ADAM22: variants seen among roughly 807,000 people sequenced by gnomAD.
ADAM22 encodes disintegrin and metalloproteinase domain-containing protein 22.
ADAM22 carries 65 observed loss-of-function variants against 144.6 expected under a neutral mutation model. The ratio of observed to expected loss-of-function variants is 0.45; its 90% CI spans 0.37 to 0.55. ADAM22 has a LOEUF of 0.55. ADAM22 is among the 20% of genes least tolerant of loss of function. The pLI is 0.00. For synonymous variants in ADAM22, 391 were observed against 412.6 expected, an observed-to-expected ratio of 0.95 and a Z score of 0.63; for missense variants, 974 against 1,184.9, an observed-to-expected ratio of 0.82 and a Z score of 2.61.
rs1051335967 is a variant in ADAM22 at position 88,033,300 on chromosome 7, A to C, written c.324-42326A>C. 1.3e-5 allele frequency among the ~76,000 whole-genome samples: 2 copies of C among 152,204 alleles called. 1 individual carries two copies. On this transcript the variant is annotated intron_variant, in intron 3 of 31. Transcript: ENST00000413139. Reference sequence around the variant, plus strand: ...TGCTATGGCTCTTGCAGACTTGTAGAGGTGTAAGCTTGGTGGTCTTGGATA... The same window carrying C: ...TGCTATGGCTCTTGCAGACTTGTAGCGGTGTAAGCTTGGTGGTCTTGGATA...
chr7:88,107,963 T>A (rs1824893165), intron 4 of ADAM22, among the ~76,000 whole-genome samples: 1 of 152,198 alleles, frequency 6.6e-6, no homozygotes, highest in South Asian at 2.1e-4. Flanking sequence ...TCAAGTCAAC[T>A]TTTATTTCCC....
chr7:87,967,807 C>CAAAAAAAAAAA (rs35787636), intron 2 of ADAM22, among the ~76,000 whole-genome samples: 6 of 60,952 alleles, frequency 9.8e-5, no homozygotes, highest in African/African-American at 4.4e-4. Context: ...GACTCTGTCT[C>CAAAAAAAAAAA]AAAAAAAAAA....
chr7:88,153,084 G>A (rs150452798), intron 20 of ADAM22, 137 bp from the exon 21 acceptor site: 97 of 572,712 alleles, frequency 1.7e-4, no homozygotes, highest in South Asian at 8.1e-4. Flanking sequence ...ACTGTGAACC[G>A]TTCGTTGGTA....
chr7:88,184,653 A>G, intron 29 of ADAM22, among the ~76,000 whole-genome samples: 1 of 152,116 alleles, frequency 6.6e-6, no homozygotes, highest in South Asian at 2.1e-4. Flanking sequence ...CCACATAGGT[A>G]GATTTACTGC....
Position 88,151,040 on chromosome 7 carries a change from C to G in ADAM22, c.1617+9C>G, listed in dbSNP as rs1047177767. ...CATGTGATGGTGTTCAGGTAGGTCACTTCATTTTTACCTATGTTTTTCACA... is the reference window on the plus strand; with the variant it reads ...CATGTGATGGTGTTCAGGTAGGTCAGTTCATTTTTACCTATGTTTTTCACA... On this transcript the variant is annotated intron_variant, in intron 19 of 31. Coordinates refer to ENST00000413139, the MANE Select transcript of ADAM22 (RefSeq NM_001324418.2). 7.4e-6 allele frequency: 12 copies of G among 1,612,546 alleles called. No homozygotes were observed. The highest frequency in any genetic ancestry group is 1.3e-5 in the African/African-American group (1 of 74,854).
chr7:87,936,856 T>TATTA (rs199795701), intron 2 of ADAM22, among the ~76,000 whole-genome samples: 1 of 148,834 alleles, frequency 6.7e-6, no homozygotes, highest in Non-Finnish European at 1.5e-5. Flanking sequence ...TGTATATATA[T>TATTA]TATATATATA....
chr7:88,082,266 G>GGAAA, intron 4 of ADAM22, among the ~76,000 whole-genome samples: 1 of 152,254 alleles, frequency 6.6e-6, no homozygotes, highest in African/African-American at 2.4e-5. Flanking sequence ...AATGGTGCTG[G>GGAAA]GAAAACTGGC....
chr7:88,176,553 G>A (rs1845723990), intron 26 of ADAM22, among the ~76,000 whole-genome samples: 1 of 152,056 alleles, frequency 6.6e-6, no homozygotes, highest in Non-Finnish European at 1.5e-5. Context: ...ATAATAAAAC[G>A]TGTTCAGTTA....
At chr7:88,085,377 G>C (rs527989563) in intron 4 of ADAM22, among the ~76,000 whole-genome samples, 1 of 152,234 alleles carries the variant, frequency 6.6e-6, no homozygotes, top group South Asian at 2.1e-4. Flanking sequence ...GCTGTACTCA[G>C]GTGTCTTTGA....
At position 88,196,530 on chromosome 7, in the gene ADAM22, C is replaced by T. The variant is rs1240760800; in HGVS notation, c.*39C>T. 1.2e-6 allele frequency: 2 copies of T among 1,609,448 alleles called. No individual in the cohort carries two copies. The highest frequency in any genetic ancestry group is 4.5e-5 in the East Asian group (2 of 44,840). ...CATGTGATACATCGAAAACTGTTTA[C>T]TTCAACTTTTATAGAAACCCAGGCT... is the stretch of plus-strand genomic sequence containing the variant. On this transcript the variant is annotated 3_prime_UTR_variant, in exon 32 of 32. Transcript: ENST00000413139.
chr7:88,070,956 G>A, intron 3 of ADAM22, among the ~76,000 whole-genome samples: 1 of 152,154 alleles, frequency 6.6e-6, no homozygotes, highest in East Asian at 1.9e-4. Context: ...GACTGGAAAA[G>A]CGTAGTGGAC....
intron 3 of ADAM22, among the ~76,000 whole-genome samples, chr7:88,071,985 A>G (rs569453137): frequency 6.6e-6 from 1 of 152,342 alleles, no homozygotes; most frequent in South Asian, 2.1e-4. Flanking sequence ...TAATTTGATT[A>G]TCTCTACTTC....
At chr7:87,944,971 C>G (rs189575523) in intron 2 of ADAM22, among the ~76,000 whole-genome samples, 3 of 140,170 alleles carry the variant, frequency 2.1e-5, no homozygotes, top group African/African-American at 8.4e-5. Context: ...TCTTCCTCCT[C>G]TTTCTTTACC....
rs943618516 is a variant in ADAM22 at position 88,003,267 on chromosome 7, A to C, written c.323+24855A>C. Among the ~76,000 whole-genome samples, 4 of 152,202 alleles carry C rather than the reference A, an allele frequency of 2.6e-5. 1 individual carries two copies. The South Asian group carries it at 8.3e-4, about 32-fold the overall frequency. ...TTTAAAATTGCCCTCTTTGTTCCAG[A>C]AACTTTATATTCATTATCTCATTTA... On this transcript the variant is annotated intron_variant, in intron 3 of 31. Transcript: ENST00000413139.
At chr7:88,052,608 A>G (rs1177111988) in intron 3 of ADAM22, among the ~76,000 whole-genome samples, 1 of 152,218 alleles carries the variant, frequency 6.6e-6, no homozygotes, top group Non-Finnish European at 1.5e-5. Context: ...CAGTACACAT[A>G]TCACAAAATT....
At chr7:88,008,545 A>G (rs1203889976) in intron 3 of ADAM22, among the ~76,000 whole-genome samples, 2 of 152,196 alleles carry the variant, frequency 1.3e-5, no homozygotes, top group Non-Finnish European at 2.9e-5. Context: ...TGTGGCACAT[A>G]TACATCATGG....
intron 3 of ADAM22, among the ~76,000 whole-genome samples, chr7:88,022,659 G>A (rs191507869): frequency 1.1e-3 from 168 of 152,206 alleles, no homozygotes; most frequent in African/African-American, 3.7e-3. Flanking sequence ...AGTAGAGTTC[G>A]TGAATTAAAC....
intron 2 of ADAM22, among the ~76,000 whole-genome samples, chr7:87,965,594 A>G (rs1207265887): frequency 1.3e-5 from 2 of 152,214 alleles, no homozygotes; most frequent in Non-Finnish European, 2.9e-5. Flanking sequence ...TTTGTACAAC[A>G]TTATTTCCTA....
chr7:88,016,630 C>T (rs1299823526), intron 3 of ADAM22, among the ~76,000 whole-genome samples: 1 of 152,032 alleles, frequency 6.6e-6, no homozygotes, highest in Non-Finnish European at 1.5e-5. Flanking sequence ...TTTAAGATTA[C>T]CTTGCATCTC....
Sources: allele counts gnomAD v4.1 joint callset (sites outside exome capture counted in the v4.1 genomes callset), GRCh38; gene constraint gnomAD v4.1.1; transcripts MANE v1.5; gene names NCBI Gene and HGNC (gene_info 2026-07-23, HGNC 2026-07-21).